The following JUND variants were observed in gnomAD, a reference collection of about 807,000 sequenced individuals.
JUND encodes JunD proto-oncogene, AP-1 transcription factor subunit.
Under a neutral mutation model 7.1 loss-of-function variants are expected in JUND, and 2 were observed. That is an observed-to-expected ratio of 0.28 (90% CI 0.11 to 0.88). JUND has a LOEUF of 0.88. Ranked by LOEUF, JUND falls within the 40% of genes least tolerant of loss-of-function variation. The pLI, the probability that JUND is intolerant of heterozygous loss-of-function variation, is 0.60. For missense variants in JUND, 479 were observed against 519.1 expected (o/e 0.92, Z 0.75); for synonymous variants, 335 against 263.2 (o/e 1.27, Z -2.64).
In JUND at chr19:18,281,389, G is replaced by T; in HGVS notation, c.96C>A (p.Phe32Leu). 7.4e-7 allele frequency: 1 copy of T among 1,347,754 alleles called. No individual in the cohort carries two copies. Among genetic ancestry groups the T allele is most frequent in the South Asian group, 1.9e-5 (1 of 53,308 alleles). The allele number at this position is 1,347,754 out of a possible 1,614,324, so 83.5% of individuals were successfully genotyped here. A position where few individuals can be genotyped will look rare whatever the true frequency, so the allele number is the denominator to read the frequency against. ...CCGCGGCCGTCGGGGGCGCCCCGGG[G>T]AACAAGCGGCCCGGGGACGCGAAGC... The part of the protein sequence containing the change: ...GGSFASPGRL[F>L]PGAPPTAAAG... The change falls in exon 1 of 1, where the codon TTC (phenylalanine) becomes TTA (leucine). Residue 32 changes from phenylalanine (F) to leucine (L), a missense_variant. Phe to Leu is a conservative substitution (Grantham distance 22). Around this residue, in one of 3 missense-constraint regions of JUND, gnomAD observed 374 missense variants for 365.4 expected, o/e 1.02. Transcript: ENST00000252818.
At position 18,279,915 on chromosome 19, in the gene JUND, G is replaced by C. The variant is rs536344570; in HGVS notation, c.*526C>G. On this transcript the variant is annotated 3_prime_UTR_variant, in exon 1 of 1. Coordinates refer to ENST00000252818, the MANE Select transcript of JUND (RefSeq NM_005354.6). The stretch of plus-strand genomic sequence containing the variant: ...GGGGGGAGCGAGATCGAGGAAAGGG[G>C]CGGAGAATTTTTTTTTCTTCTTCCC... 1 of 154,892 alleles carries C rather than the reference G, an allele frequency of 6.5e-6. No homozygotes were observed. Among genetic ancestry groups the C allele is most frequent in the African/African-American group, 2.4e-5 (1 of 41,386 alleles). The allele number at this position is 154,892 out of a possible 1,614,324, so 9.6% of individuals were successfully genotyped here.
chr19:18,280,660 C>T lies in JUND; in HGVS notation c.825G>A (p.Arg275=). Residue 275 remains arginine, a synonymous_variant, in exon 1 of 1, where the codon CGG becomes CGA. Transcript: ENST00000252818. The surrounding 1 kb of genome is among the most constrained non-coding windows in gnomAD (Gnocchi z 4.1). The part of the protein sequence containing the change: ...TQERIKAERK[R]LRNRIAASKC... Reference sequence around the variant, plus strand: ...TGGAGGCGGCGATGCGGTTGCGCAGCCGCTTGCGCTCCGCCTTGATGCGCT... The same window carrying T: ...TGGAGGCGGCGATGCGGTTGCGCAGTCGCTTGCGCTCCGCCTTGATGCGCT... 1 of 1,612,576 alleles carries T rather than the reference C, an allele frequency of 6.2e-7. No individual in the cohort carries two copies. Among genetic ancestry groups the T allele is most frequent in the Non-Finnish European group, 8.5e-7 (1 of 1,179,730 alleles).
Position 18,281,134 on chromosome 19 carries a change from CGTG to C in JUND, c.348_350del (p.Thr117del). 6.3e-7 allele frequency: 1 copy of C among 1,578,836 alleles called. No individual in the cohort carries two copies. The highest frequency in any genetic ancestry group is 8.6e-7 in the Non-Finnish European group (1 of 1,168,884). On this transcript the variant is annotated inframe_deletion, in exon 1 of 1. Coordinates refer to ENST00000252818, the MANE Select transcript of JUND (RefSeq NM_005354.6). ...GGTAGAGGAACTGTGAGCTCGTCGG[CGTG>C]GTGGTGACCAGCCCGTTGGACTGGA...
In JUND at chr19:18,281,056, G is replaced by T; in HGVS notation, c.429C>A (p.Ala143=). ...GGTTCTGCTTGTGTAAATCCTCCAG[G>T]GCCTTGACGAAGCCCTCGGCGAACT... ...EQEFAEGFVK[A]LEDLHKQNQL... The change falls in exon 1 of 1, where the codon GCC becomes GCA. Residue 143 remains alanine, a synonymous_variant. Transcript: ENST00000252818. 6.4e-7 allele frequency: 1 copy of T among 1,563,390 alleles called. No homozygotes were observed. The highest frequency in any genetic ancestry group is 1.2e-5 in the South Asian group (1 of 86,744).
At position 18,281,578 on chromosome 19, in the gene JUND, C is replaced by G. The variant is rs1441994648; in HGVS notation, c.-94G>C. 8.4e-6 allele frequency: 3 copies of G among 356,950 alleles called. No homozygotes were observed. The highest frequency in any genetic ancestry group is 1.2e-5 in the Non-Finnish European group (3 of 258,264). The allele number at this position is 356,950 out of a possible 1,614,324, so 22.1% of individuals were successfully genotyped here. ...CCGTCCGCTCGGCCCTGCGCCCGCC[C>G]CGGCCGCGGCCGCAGCGCCCGGCCC... On this transcript the variant is annotated 5_prime_UTR_variant, in exon 1 of 1. Transcript: ENST00000252818.
rs1969941754 is a variant in JUND at position 18,281,216 on chromosome 19, G to C, written c.269C>G (p.Ser90Cys). 2 of 1,506,212 alleles carry C rather than the reference G, an allele frequency of 1.3e-6. No individual in the cohort carries two copies. Among genetic ancestry groups the C allele is most frequent in the Non-Finnish European group, 1.8e-6 (2 of 1,134,192 alleles). The allele number at this position is 1,506,212 out of a possible 1,614,324, so 93.3% of individuals were successfully genotyped here. A position where few individuals can be genotyped will look rare whatever the true frequency, so the allele number is the denominator to read the frequency against. Residue 90 changes from serine to cysteine, a missense_variant, in exon 1 of 1, where the codon TCT (serine) becomes TGT (cysteine). Around this residue, in one of 3 missense-constraint regions of JUND, gnomAD observed 374 missense variants for 365.4 expected, o/e 1.02. Transcript: ENST00000252818. ...CAGCTTCAGCAGCCCCAGGTCGGGA[G>C]AGGCGAGCAGGCCGTCGGGGGGTGC... ...SAAPPDGLLA[S>C]PDLGLLKLAS...
Position 18,281,554 on chromosome 19 carries a change from C to G in JUND, c.-70G>C, listed in dbSNP as rs1375641265. 3 of 717,226 alleles carry G rather than the reference C, an allele frequency of 4.2e-6. No individual in the cohort carries two copies. Among genetic ancestry groups the G allele is most frequent in the Non-Finnish European group, 5.3e-6 (3 of 568,482 alleles). 44.4% of individuals were successfully genotyped at this position (717,226 alleles called of 1,614,324 possible). On this transcript the variant is annotated 5_prime_UTR_variant, in exon 1 of 1. Transcript: ENST00000252818. ...GCCTCCCGGGGGGCCCGCGCCCCCC[C>G]GTCCGCTCGGCCCTGCGCCCGCCCC...
rs1479964604 is a variant in JUND, at chr19:18,280,330, G to A, written c.*111C>T. On this transcript the variant is annotated 3_prime_UTR_variant, in exon 1 of 1. Coordinates refer to ENST00000252818, the MANE Select transcript of JUND (RefSeq NM_005354.6). The surrounding 1 kb of genome is among the most constrained non-coding windows in gnomAD (Gnocchi z 4.1). Reference sequence around the variant, plus strand: ...TCTCTGAGTTCCTGGGCACACTCGGGGAGGGGGGGTCCCCAGGGCCGCACC... The same window carrying A: ...TCTCTGAGTTCCTGGGCACACTCGGAGAGGGGGGGTCCCCAGGGCCGCACC... 1.7e-6 allele frequency: 2 copies of A among 1,166,044 alleles called. No homozygotes were observed. Among genetic ancestry groups the A allele is most frequent in the African/African-American group, 3.2e-5 (2 of 62,132 alleles). 72.2% of individuals were successfully genotyped at this position (1,166,044 alleles called of 1,614,324 possible).
At position 18,281,176 on chromosome 19, in the gene JUND, G is replaced by A; in HGVS notation, c.309C>T (p.Leu103=). 1 of 1,551,368 alleles carries A rather than the reference G, an allele frequency of 6.4e-7. No individual in the cohort carries two copies. Among genetic ancestry groups the A allele is most frequent in the African/African-American group, 1.4e-5 (1 of 71,632 alleles). Residue 103 remains leucine (L), a synonymous_variant, in exon 1 of 1, where the codon CTC becomes CTT. Coordinates refer to ENST00000252818, the MANE Select transcript of JUND (RefSeq NM_005354.6). ...CGTTGGACTGGATGATGAGGCGCTC[G>A]AGCTCGGGGGAGGCCAGCTTCAGCA... is the stretch of plus-strand genomic sequence containing the variant. ...LGLLKLASPE[L]ERLIIQSNGL...
Position 18,281,245 on chromosome 19 carries a change from G to C in JUND, c.240C>G (p.Ser80Arg). 1 of 1,475,828 alleles carries C rather than the reference G, an allele frequency of 6.8e-7. No individual in the cohort carries two copies. Among genetic ancestry groups the C allele is most frequent in the South Asian group, 1.3e-5 (1 of 78,702 alleles). The allele number at this position is 1,475,828 out of a possible 1,614,324, so 91.4% of individuals were successfully genotyped here. A position where few individuals can be genotyped will look rare whatever the true frequency, so the allele number is the denominator to read the frequency against. Residue 80 changes from serine (S) to arginine (R), a missense_variant, in exon 1 of 1, where the codon AGC becomes AGG. Coordinates refer to ENST00000252818, the MANE Select transcript of JUND (RefSeq NM_005354.6). ...CGAGCAGGCCGTCGGGGGGTGCCGC[G>C]CTGGGGGCGCCGTCGGCGCGCAGGG... ...PTPLRADGAP[S>R]AAPPDGLLAS...
chr19:18,281,251 G>A lies in JUND; in HGVS notation c.234C>T (p.Ala78=), dbSNP rs1356539793. ...PPPTPLRADG[A]PSAAPPDGLL... ...GGCCGTCGGGGGGTGCCGCGCTGGG[G>A]GCGCCGTCGGCGCGCAGGGGGGTAG... The change falls in exon 1 of 1, where the codon GCC becomes GCT. Residue 78 remains alanine, a synonymous_variant. Coordinates refer to ENST00000252818, the MANE Select transcript of JUND (RefSeq NM_005354.6). 5.4e-6 allele frequency: 8 copies of A among 1,468,838 alleles called. No homozygotes were observed. Among genetic ancestry groups the A allele is most frequent in the Admixed American group, 4.7e-5 (2 of 42,780 alleles). The allele number at this position is 1,468,838 out of a possible 1,614,324, so 91.0% of individuals were successfully genotyped here.
rs769621355 is a variant in JUND, at chr19:18,280,423, T to G, written c.*18A>C. On this transcript the variant is annotated 3_prime_UTR_variant, in exon 1 of 1. Coordinates refer to ENST00000252818, the MANE Select transcript of JUND (RefSeq NM_005354.6). This position sits in a 1 kb window ranked among gnomAD's most constrained non-coding sequence, Gnocchi z 4.1. ...GCCCCTTGGGGAGGGTGGCCGCGCA[T>G]GCGCCCCGCGCGCGGACTCAGTACG... The G allele has an allele frequency of 2.6e-6, 4 of 1,543,396 alleles. No homozygotes were observed. In the South Asian group the frequency reaches 4.7e-5, roughly 18 times the overall value.
Position 18,280,868 on chromosome 19 carries a change from CCCCCGGCGCCGCCCGCGT to C in JUND, c.599_616del (p.Tyr200_Gly206delinsCys), listed in dbSNP as rs1206798857. 1 of 1,297,066 alleles carries C rather than the reference CCCCCGGCGCCGCCCGCGT, an allele frequency of 7.7e-7. No individual in the cohort carries two copies. Among genetic ancestry groups the C allele is most frequent in the Non-Finnish European group, 9.7e-7 (1 of 1,033,456 alleles). The allele number at this position is 1,297,066 out of a possible 1,614,324, so 80.3% of individuals were successfully genotyped here. Reference sequence around the variant, plus strand: ...GGCGACCGTCGCGGCGCCCCCCGCGCCCCCGGCGCCGCCCGCGTAGCTGCTCAGGTTCGCGTAGACAGG... The same window carrying C: ...GGCGACCGTCGCGGCGCCCCCCGCGCAGCTGCTCAGGTTCGCGTAGACAGG... On this transcript the variant is annotated inframe_deletion, in exon 1 of 1. Transcript: ENST00000252818. This position sits in a 1 kb window ranked among gnomAD's most constrained non-coding sequence, Gnocchi z 4.1.
In JUND at chr19:18,281,417, C is replaced by CCGCCGCTGCCACTGG; in HGVS notation, c.53_67dup (p.Ala18_Gly22dup). The CCGCCGCTGCCACTGG allele has an allele frequency of 1.5e-6, 2 of 1,357,886 alleles. No individual in the cohort carries two copies. The highest frequency in any genetic ancestry group is 1.9e-6 in the Non-Finnish European group (2 of 1,061,724). The allele number at this position is 1,357,886 out of a possible 1,614,324, so 84.1% of individuals were successfully genotyped here. ...CAAGCGGCCCGGGGACGCGAAGCTGCCGCCGCTGCCACTGGCGCCGCCGCC... is the reference window on the plus strand; with the variant it reads ...CAAGCGGCCCGGGGACGCGAAGCTGCCGCCGCTGCCACTGGCGCCGCTGCCACTGGCGCCGCCGCC... On this transcript the variant is annotated inframe_insertion, in exon 1 of 1. Coordinates refer to ENST00000252818, the MANE Select transcript of JUND (RefSeq NM_005354.6).
In JUND at chr19:18,280,156, G is replaced by A. The variant is rs1348024053; in HGVS notation, c.*285C>T. ...GTGTACAAAGGGGCAGCCGAGACGC[G>A]CGGGTTTGTGCAACACGGGGCGGCC... On this transcript the variant is annotated 3_prime_UTR_variant, in exon 1 of 1. Coordinates refer to ENST00000252818, the MANE Select transcript of JUND (RefSeq NM_005354.6). This position sits in a 1 kb window ranked among gnomAD's most constrained non-coding sequence, Gnocchi z 4.1. The A allele has an allele frequency of 1.3e-5, 5 of 372,036 alleles. No homozygotes were observed. Among genetic ancestry groups the A allele is most frequent in the Admixed American group, 5.0e-5 (1 of 19,836 alleles). 23.0% of individuals were successfully genotyped at this position (372,036 alleles called of 1,614,324 possible). A position where few individuals can be genotyped will look rare whatever the true frequency, so the allele number is the denominator to read the frequency against.
chr19:18,280,447 C>A lies in JUND; in HGVS notation c.1038G>T (p.Ala346=). The A allele has an allele frequency of 6.4e-7, 1 of 1,555,188 alleles. No individual in the cohort carries two copies. The highest frequency in any genetic ancestry group is 2.4e-5 in the East Asian group (1 of 41,348). The change falls in exon 1 of 1, where the codon GCG becomes GCT. Residue 346 remains alanine, a synonymous_variant. Transcript: ENST00000252818. This position sits in a 1 kb window ranked among gnomAD's most constrained non-coding sequence, Gnocchi z 4.1. The part of the protein sequence containing the change: ...CQLLPQHQVP[A]Y Reference sequence around the variant, plus strand: ...ATGCGCCCCGCGCGCGGACTCAGTACGCGGGCACCTGGTGCTGGGGCAGCA... The same window carrying A: ...ATGCGCCCCGCGCGCGGACTCAGTAAGCGGGCACCTGGTGCTGGGGCAGCA...
rs1019398113 is a variant in JUND, at chr19:18,280,412, G to T, written c.*29C>A. ...CCCGCGAGCCCGCCCCTTGGGGAGGGTGGCCGCGCATGCGCCCCGCGCGCG... is the reference window on the plus strand; with the variant it reads ...CCCGCGAGCCCGCCCCTTGGGGAGGTTGGCCGCGCATGCGCCCCGCGCGCG... On this transcript the variant is annotated 3_prime_UTR_variant, in exon 1 of 1. Transcript: ENST00000252818. This position sits in a 1 kb window ranked among gnomAD's most constrained non-coding sequence, Gnocchi z 4.1. The T allele has an allele frequency of 6.5e-7, 1 of 1,538,824 alleles. No individual in the cohort carries two copies. The highest frequency in any genetic ancestry group is 1.4e-5 in the African/African-American group (1 of 72,606).
Position 18,280,126 on chromosome 19 carries a change from G to A in JUND, c.*315C>T. On this transcript the variant is annotated 3_prime_UTR_variant, in exon 1 of 1. Coordinates refer to ENST00000252818, the MANE Select transcript of JUND (RefSeq NM_005354.6). This position sits in a 1 kb window ranked among gnomAD's most constrained non-coding sequence, Gnocchi z 4.1. The stretch of plus-strand genomic sequence containing the variant: ...CGCCCCCTCGGAGCCCCCTTCCGCG[G>A]CGCGGTGTACAAAGGGGCAGCCGAG... 1 of 319,738 alleles carries A rather than the reference G, an allele frequency of 3.1e-6. No individual in the cohort carries two copies. The highest frequency in any genetic ancestry group is 5.8e-6 in the Non-Finnish European group (1 of 172,300). The allele number at this position is 319,738 out of a possible 1,614,324, so 19.8% of individuals were successfully genotyped here. A position where few individuals can be genotyped will look rare whatever the true frequency, so the allele number is the denominator to read the frequency against.
Position 18,281,594 on chromosome 19 carries a change from C to T in JUND, c.-110G>A, listed in dbSNP as rs932300135. ...GCGCCCGCCCCGGCCGCGGCCGCAG[C>T]GCCCGGCCCTCCACTGGCGGCGGCT... On this transcript the variant is annotated 5_prime_UTR_variant, in exon 1 of 1. Coordinates refer to ENST00000252818, the MANE Select transcript of JUND (RefSeq NM_005354.6). 1.6e-5 allele frequency: 4 copies of T among 252,868 alleles called. No individual in the cohort carries two copies. The highest frequency in any genetic ancestry group is 2.5e-5 in the Non-Finnish European group (4 of 162,970). The allele number at this position is 252,868 out of a possible 1,614,324, so 15.7% of individuals were successfully genotyped here.
Sources: gnomAD v4.1 joint callset for allele counts on GRCh38, gnomAD v4.1.1 for gene constraint, gnomAD v4.1.1 regional missense constraint, Gnocchi (gnomAD v3.1) non-coding constraint, MANE v1.5 for transcripts, NCBI Gene and HGNC (gene_info 2026-07-23, HGNC 2026-07-21) for gene names.